TTN: variants seen among roughly 807,000 people sequenced by gnomAD.
TTN encodes titin, also known as connectin.
Under a neutral mutation model 3,223.0 loss-of-function variants are expected in TTN, and 1,525 were observed. The ratio of observed to expected loss-of-function variants is 0.47; its 90% CI spans 0.45 to 0.49. The LOEUF (loss-of-function observed/expected upper bound fraction) is 0.49. TTN is among the 20% of genes least tolerant of loss of function. TTN has a pLI of 0.00. For synonymous variants in TTN, 14,094 were observed against 15,161.0 expected, an observed-to-expected ratio of 0.93 and a Z score of 5.17; for missense variants, 40,786 against 43,424.0, an observed-to-expected ratio of 0.94 and a Z score of 5.40.
intron 83 of TTN, 22 bp from the exon 84 acceptor site, chr2:178,718,995 G>A (rs1257861700): frequency 6.4e-7 from 1 of 1,554,948 alleles, no homozygotes; most frequent in South Asian, 1.2e-5. Flanking sequence ...AAGGCGGAAG[G>A]GGAGATAAAG....
At position 178,609,318 on chromosome 2, in the gene TTN, T is replaced by C; in HGVS notation, c.51992A>G (p.Glu17331Gly). Residue 17331 changes from glutamate (E) to glycine (G), a missense_variant, in exon 273 of 363, where the codon GAA becomes GGA. Coordinates refer to ENST00000589042, the MANE Select transcript of TTN (RefSeq NM_001267550.2). The part of the protein sequence containing the change: ...RLSIDNSKKG[E>G]SQLRVRDSLR... ...AGAATCTCGGACGCGTAGCTGAGAT[T>C]CTCCCTTTTTGCTGTTGTCAATACT... 6.2e-7 allele frequency: 1 copy of C among 1,608,608 alleles called. No homozygotes were observed. Among genetic ancestry groups the C allele is most frequent in the Non-Finnish European group, 8.5e-7 (1 of 1,177,208 alleles).
chr2:178,584,941 A>G lies in TTN; in HGVS notation c.64700T>C (p.Phe21567Ser). The change falls in exon 310 of 363, where the codon TTT becomes TCT. Residue 21567 changes from phenylalanine (F) to serine (S), a missense_variant. Transcript: ENST00000589042. Reference sequence around the variant, plus strand: ...ATCAGCGTCTATATCAGAAATGTCAAATGGAGGCTGAGGGGGGCCGGGGGC... The same window carrying G: ...ATCAGCGTCTATATCAGAAATGTCAGATGGAGGCTGAGGGGGGCCGGGGGC... Reference protein sequence around the residue: ...MDAPGPPQPPFDISDIDADAC... With the variant: ...MDAPGPPQPPSDISDIDADAC... 6.2e-7 allele frequency: 1 copy of G among 1,613,280 alleles called. No individual in the cohort carries two copies. The highest frequency in any genetic ancestry group is 8.5e-7 in the Non-Finnish European group (1 of 1,179,516).
chr2:178,588,324 C>T, intron 304 of TTN, 105 bp from the exon 305 acceptor site: 1 of 1,180,612 alleles, frequency 8.5e-7, no homozygotes, highest in South Asian at 1.9e-5. Flanking sequence ...TCCAATTTTT[C>T]AATTAGTGTC....
chr2:178,546,495 G>A lies in TTN; in HGVS notation c.94836C>T (p.Pro31612=). ...GTAATCGGGCATCCAGTTCGGCTTTGGGTGGAGCTGTCAGTAGGCAAAACA... is the reference window on the plus strand; with the variant it reads ...GTAATCGGGCATCCAGTTCGGCTTTAGGTGGAGCTGTCAGTAGGCAAAACA... The part of the protein sequence containing the change: ...PVTCRDEYAP[P]KAELDARLHG... The change falls in exon 342 of 363, where the codon CCC becomes CCT. Residue 31612 remains proline (P), a synonymous_variant. Coordinates refer to ENST00000589042, the MANE Select transcript of TTN (RefSeq NM_001267550.2). The A allele has an allele frequency of 6.2e-7, 1 of 1,610,418 alleles. No individual in the cohort carries two copies. The highest frequency in any genetic ancestry group is 8.5e-7 in the Non-Finnish European group (1 of 1,177,382).
Position 178,802,183 on chromosome 2 carries a change from T to C in TTN, c.250A>G (p.Asn84Asp), listed in dbSNP as rs1349693054. 1 of 1,614,138 alleles carries C rather than the reference T, an allele frequency of 6.2e-7. No homozygotes were observed. Among genetic ancestry groups the C allele is most frequent in the Admixed American group, 1.7e-5 (1 of 60,032 alleles). ...GTACTAGTCGCTTGTCCAGATCCAT[T>C]GGTGGCTTTCAGGGAATATCGTCCA... ...NSGRYSLKAT[N>D]GSGQATSTAE... The change falls in exon 3 of 363, where the codon AAT becomes GAT. Residue 84 changes from asparagine to aspartate, a missense_variant. Asn to Asp is a conservative substitution (Grantham distance 23). Transcript: ENST00000589042.
chr2:178,779,913 C>T (rs1574716801), intron 22 of TTN, 87 bp downstream of exon 22: 3 of 1,378,570 alleles, frequency 2.2e-6, no homozygotes, highest in Non-Finnish European at 3.1e-6. Context: ...TAACCCCGAG[C>T]TCATCACTTG....
In TTN at chr2:178,554,700, C is replaced by CT; in HGVS notation, c.88646dup (p.Lys29550GlufsTer11). On this transcript the variant is annotated frameshift_variant, in exon 332 of 363. Coordinates refer to ENST00000589042, the MANE Select transcript of TTN (RefSeq NM_001267550.2). LOFTEE classifies it high-confidence loss of function. ...GAGGCCGCCAGAGAAGGGTGATCTT[C>CT]TCAGCAGTTACAGTCTTAAATTCAA... is the stretch of plus-strand genomic sequence containing the variant. 1 of 1,613,866 alleles carries CT rather than the reference C, an allele frequency of 6.2e-7. No homozygotes were observed. The highest frequency in any genetic ancestry group is 1.1e-5 in the South Asian group (1 of 91,084).
chr2:178,789,837 G>A (rs1397688939), intron 12 of TTN, 141 bp downstream of exon 12: 2 of 1,008,746 alleles, frequency 2.0e-6, no homozygotes, highest in Non-Finnish European at 3.0e-6. Context: ...ATGATAATCA[G>A]TCTCATATTT....
intron 308 of TTN, among the ~76,000 whole-genome samples, chr2:178,585,628 C>T (rs773471452): frequency 2.0e-5 from 3 of 151,912 alleles, no homozygotes; most frequent in Non-Finnish European, 4.4e-5. Context: ...GTGTGTGATG[C>T]TCCCCTCCCT....
At chr2:178,688,939 T>C in intron 125 of TTN, 114 bp downstream of exon 125, 2 of 1,230,208 alleles carry the variant, frequency 1.6e-6, no homozygotes, top group Non-Finnish European at 2.3e-6. Context: ...TCACTGCAAG[T>C]GAGACAATGG....
chr2:178,753,901 C>G (rs1451402288), intron 46 of TTN: 1 of 152,064 alleles, frequency 6.6e-6, no homozygotes, highest in Non-Finnish European at 1.5e-5. Context: ...TGACGATTCT[C>G]TTTTTACTTC....
In TTN at chr2:178,568,597, A is replaced by G; in HGVS notation, c.77535T>C (p.Asn25845=). 1.2e-6 allele frequency: 2 copies of G among 1,613,424 alleles called. No homozygotes were observed. Among genetic ancestry groups the G allele is most frequent in the African/African-American group, 1.3e-5 (1 of 74,974 alleles). Residue 25845 remains asparagine, a synonymous_variant, in exon 326 of 363, where the codon AAT becomes AAC. Coordinates refer to ENST00000589042, the MANE Select transcript of TTN (RefSeq NM_001267550.2). The stretch of plus-strand genomic sequence containing the variant: ...TGGTGAGATCCAGTGAATCGGTAAC[A>G]TTGATTCTTGTGGTCTGCTTCAGTG... ...GLPLKQTTRI[N]VTDSLDLTTL...
chr2:178,748,308 T>G, intron 47 of TTN: 1 of 1,612,832 alleles, frequency 6.2e-7, no homozygotes, highest in Non-Finnish European at 8.5e-7. Flanking sequence ...TCTAAAGAAA[T>G]GGAATTTTCA....
Position 178,532,996 on chromosome 2 carries a change from T to C in TTN, c.103619A>G (p.Tyr34540Cys). 1 of 1,613,980 alleles carries C rather than the reference T, an allele frequency of 6.2e-7. No individual in the cohort carries two copies. The highest frequency in any genetic ancestry group is 8.5e-7 in the Non-Finnish European group (1 of 1,179,872). Residue 34540 changes from tyrosine to cysteine, a missense_variant, in exon 358 of 363, where the codon TAT (tyrosine) becomes TGT (cysteine). Coordinates refer to ENST00000589042, the MANE Select transcript of TTN (RefSeq NM_001267550.2). Reference sequence around the variant, plus strand: ...ATACTTGCGTGGCTCTGGTACATCATAAGGCATCCGGAGTTTTCTCTCCTC... The same window carrying C: ...ATACTTGCGTGGCTCTGGTACATCACAAGGCATCCGGAGTTTTCTCTCCTC... ...KKEERKLRMP[Y>C]DVPEPRKYKQ...
In TTN at chr2:178,653,175, A is replaced by G. The variant is rs372427261; in HGVS notation, c.38792-51T>C. 1.9e-3 allele frequency: 2,987 copies of G among 1,611,744 alleles called. 76 individuals are homozygous for G. In the South Asian group the frequency reaches 0.031, roughly 17 times the overall value. On this transcript the variant is annotated intron_variant, in intron 198 of 362. Coordinates refer to ENST00000589042, the MANE Select transcript of TTN (RefSeq NM_001267550.2). ...ATTTAGGGGTTATGAAGACCACTGG[A>G]ACAAAATGTCTTCAACTGCAAAAGA...
At chr2:178,746,433 C>G (rs1356379131) in intron 47 of TTN, 1 of 1,610,948 alleles carries the variant, frequency 6.2e-7, no homozygotes, top group African/African-American at 1.3e-5. Context: ...TTCTCAAATT[C>G]TTTAACGTCT....
In TTN at chr2:178,607,798, C is replaced by T. The variant is rs776768788; in HGVS notation, c.52989G>A (p.Val17663=). The change falls in exon 276 of 363, where the codon GTG becomes GTA. Residue 17663 remains valine, a synonymous_variant. Coordinates refer to ENST00000589042, the MANE Select transcript of TTN (RefSeq NM_001267550.2). ...GPPGETQPVT[V]AEPQEPPAVE... ...AACGTTAAGTACCTTGTGGTTCAGC[C>T]ACAGTAACAGGTTGTGTTTCTCCAG... 6 of 1,612,886 alleles carry T rather than the reference C, an allele frequency of 3.7e-6. No homozygotes were observed. The highest frequency in any genetic ancestry group is 5.1e-6 in the Non-Finnish European group (6 of 1,179,288).
chr2:178,745,086 T>A lies in TTN; in HGVS notation c.11312-3165A>T, dbSNP rs1419170678. 4 of 987,952 alleles carry A rather than the reference T, an allele frequency of 4.0e-6. No homozygotes were observed. The African/African-American group carries it at 5.2e-5, about 13-fold the overall frequency. 61.2% of individuals were successfully genotyped at this position (987,952 alleles called of 1,614,324 possible). A position where few individuals can be genotyped will look rare whatever the true frequency, so the allele number is the denominator to read the frequency against. On this transcript the variant is annotated intron_variant, in intron 47 of 362. Transcript: ENST00000589042. Reference sequence around the variant, plus strand: ...GGTTTTTGTTGTTTGTTTTGCCTATTCTAAGTCAAAGTAAATAAACATGAG... The same window carrying A: ...GGTTTTTGTTGTTTGTTTTGCCTATACTAAGTCAAAGTAAATAAACATGAG...
In TTN at chr2:178,740,002, G is replaced by T. The variant is rs1382977451; in HGVS notation, c.13231C>A (p.Gln4411Lys). Residue 4411 changes from glutamine to lysine, a missense_variant, in exon 48 of 363, where the codon CAG becomes AAG. Physicochemically the swap from Gln to Lys is moderately conservative, Grantham distance 53 (BLOSUM62 1). Coordinates refer to ENST00000589042, the MANE Select transcript of TTN (RefSeq NM_001267550.2). ...AGCCACTCAGAGAAAAGACCTGGCT[G>T]CTCGCTGGCCACGGCTGCTTGCAAA... is the stretch of plus-strand genomic sequence containing the variant. ...RALQAAVASE[Q>K]PGLFSEWLRN... is the part of the protein sequence containing the mutation. 6.2e-7 allele frequency: 1 copy of T among 1,613,892 alleles called. No homozygotes were observed. The highest frequency in any genetic ancestry group is 1.7e-5 in the Admixed American group (1 of 60,008).
Sources: gnomAD v4.1 joint callset for allele counts (sites outside exome capture counted in the v4.1 genomes callset) on GRCh38, gnomAD v4.1.1 for gene constraint, MANE v1.5 for transcripts, NCBI Gene and HGNC (gene_info 2026-07-23, HGNC 2026-07-21) for gene names.